GRM1: variants seen among roughly 807,000 people sequenced by gnomAD.
GRM1 encodes metabotropic glutamate receptor 1.
In GRM1, 33 loss-of-function variants were observed where a neutral mutation model predicts 90.9. The ratio of observed to expected loss-of-function variants is 0.36; its 90% confidence interval spans 0.28 to 0.49. The LOEUF is 0.49. Among genes scored for constraint, GRM1 ranks in the 20% least tolerant of loss-of-function variants. The probability of loss-of-function intolerance (pLI) is 0.99; values close to 1 mark genes in which losing one functional copy is unlikely to be tolerated. For synonymous variants in GRM1, 700 were observed against 613.2 expected, an observed-to-expected ratio of 1.14 and a Z score of -2.09; for missense variants, 1,190 against 1,534.3, an observed-to-expected ratio of 0.78 and a Z score of 3.75.
intron 1 of GRM1, among the ~76,000 whole-genome samples, chr6:146,099,109 G>T (rs1048757125): frequency 5.9e-5 from 9 of 152,104 alleles, no homozygotes; most frequent in African/African-American, 2.2e-4. Context: ...GTGTCGGTTG[G>T]GTGTGGAGGC....
intron 1 of GRM1, among the ~76,000 whole-genome samples, chr6:146,037,883 A>G (rs1042896963): frequency 6.6e-6 from 1 of 151,994 alleles, no homozygotes; most frequent in East Asian, 1.9e-4. Flanking sequence ...TTTTGCTCCC[A>G]CCTCACCTGC....
chr6:146,411,579 A>G (rs754770181), intron 7 of GRM1, among the ~76,000 whole-genome samples: 6 of 152,182 alleles, frequency 3.9e-5, no homozygotes, highest in Non-Finnish European at 1.5e-5. Flanking sequence ...TACCCCCAGT[A>G]TGCAGGATGT....
chr6:146,060,601 T>C (rs1775632075), intron 1 of GRM1, among the ~76,000 whole-genome samples: 1 of 152,238 alleles, frequency 6.6e-6, no homozygotes, highest in African/African-American at 2.4e-5. Context: ...TATGGCTGTA[T>C]AGTATTCCAT....
intron 1 of GRM1, among the ~76,000 whole-genome samples, chr6:146,138,936 CT>C (rs879339890): frequency 4.5e-4 from 65 of 143,822 alleles, no homozygotes; most frequent in Admixed American, 1.9e-3. Flanking sequence ...TTGAAATGTT[CT>C]TTTTTTTTTA....
intron 7 of GRM1, among the ~76,000 whole-genome samples, chr6:146,406,497 G>A (rs1426801537): frequency 2.0e-5 from 3 of 152,122 alleles, no homozygotes; most frequent in Admixed American, 1.3e-4. Context: ...TGATGGGCTG[G>A]AGCACTCTCA....
At chr6:146,295,225 T>C (rs1161554003) in intron 2 of GRM1, among the ~76,000 whole-genome samples, 1 of 152,110 alleles carries the variant, frequency 6.6e-6, no homozygotes, top group African/African-American at 2.4e-5. Context: ...TCCATTTATT[T>C]ATTTATTTTT....
chr6:146,420,026 G>A (rs544127143), intron 7 of GRM1, among the ~76,000 whole-genome samples: 1 of 152,302 alleles, frequency 6.6e-6, no homozygotes, highest in South Asian at 2.1e-4. Context: ...AAAGGCCAGA[G>A]AGGCTTCACC....
intron 3 of GRM1, among the ~76,000 whole-genome samples, chr6:146,314,069 T>TTC (rs1783873048): frequency 9.2e-6 from 1 of 109,158 alleles, no homozygotes; most frequent in Non-Finnish European, 2.0e-5. Flanking sequence ...TTTTTTTTTT[T>TTC]TTTTTTTTTT....
chr6:146,227,769 G>A (rs1307595969), intron 2 of GRM1, among the ~76,000 whole-genome samples: 1 of 152,112 alleles, frequency 6.6e-6, no homozygotes, highest in African/African-American at 2.4e-5. Flanking sequence ...ATTTTGAAGG[G>A]AAAGCATATA....
chr6:146,429,389 T>C (rs1288825109), intron 7 of GRM1, among the ~76,000 whole-genome samples: 1 of 152,170 alleles, frequency 6.6e-6, no homozygotes, highest in South Asian at 2.1e-4. Context: ...AATATGCAGA[T>C]TTTTCTGGAA....
chr6:146,141,740 A>G (rs572685498), intron 1 of GRM1, among the ~76,000 whole-genome samples: 12 of 152,100 alleles, frequency 7.9e-5, no homozygotes, highest in Admixed American at 6.5e-4. Context: ...CTTTTTAATT[A>G]TTTCAATCAG....
At chr6:146,290,517 G>A (rs1431932020) in intron 2 of GRM1, among the ~76,000 whole-genome samples, 2 of 152,196 alleles carry the variant, frequency 1.3e-5, no homozygotes, top group South Asian at 2.1e-4. Flanking sequence ...CAAGTCTCAT[G>A]ACCAGAGGGC....
At chr6:146,048,516 G>A (rs1273562712) in intron 1 of GRM1, among the ~76,000 whole-genome samples, 1 of 151,752 alleles carries the variant, frequency 6.6e-6, no homozygotes, top group Non-Finnish European at 1.5e-5. Flanking sequence ...CTCTGTTTTT[G>A]TTATGGGTTA....
intron 5 of GRM1, among the ~76,000 whole-genome samples, chr6:146,363,773 T>C (rs1775579441): frequency 6.6e-6 from 1 of 152,354 alleles, no homozygotes; most frequent in Non-Finnish European, 1.5e-5. Flanking sequence ...TTGTATTCTA[T>C]GGAAATCAGC....
At chr6:146,056,175 T>G (rs1463669250) in intron 1 of GRM1, among the ~76,000 whole-genome samples, 4 of 152,118 alleles carry the variant, frequency 2.6e-5, no homozygotes, top group Admixed American at 2.6e-4. Context: ...AAAAAGTTTA[T>G]TTTTCTAAAA....
chr6:146,272,798 T>C (rs1301704478), intron 2 of GRM1, among the ~76,000 whole-genome samples: 2 of 152,164 alleles, frequency 1.3e-5, no homozygotes, highest in African/African-American at 4.8e-5. Context: ...AGCTAGTGCC[T>C]GTAGTAAAGC....
chr6:146,098,238 A>G (rs1776937594), intron 1 of GRM1, among the ~76,000 whole-genome samples: 1 of 152,190 alleles, frequency 6.6e-6, no homozygotes. Context: ...AAACTTTAGA[A>G]TGTATGATCA....
intron 1 of GRM1, among the ~76,000 whole-genome samples, chr6:146,100,382 A>G (rs1777010732): frequency 6.6e-6 from 1 of 152,156 alleles, no homozygotes; most frequent in Admixed American, 6.5e-5. Flanking sequence ...CCCTGTCACA[A>G]AATTATGAAG....
intron 2 of GRM1, among the ~76,000 whole-genome samples, chr6:146,273,003 A>G (rs2114830471): frequency 6.6e-6 from 1 of 152,308 alleles, no homozygotes; most frequent in Non-Finnish European, 1.5e-5. Context: ...TTTGGGGGCA[A>G]AAGACAGGTC....
Sources: gnomAD v4.1 joint callset for allele counts (sites outside exome capture counted in the v4.1 genomes callset) on GRCh38, gnomAD v4.1.1 for gene constraint, MANE v1.5 for transcripts, NCBI Gene and HGNC (gene_info 2026-07-23, HGNC 2026-07-21) for gene names.